Variants in MYT1L observed in about 807,000 individuals in gnomAD.
MYT1L encodes the protein myelin transcription factor 1-like protein.
Under a neutral mutation model 126.7 loss-of-function variants are expected in MYT1L, and 12 were observed. The ratio of observed to expected loss-of-function variants is 0.09; its 90% CI spans 0.06 to 0.15. The LOEUF is 0.15. Ranked by LOEUF, MYT1L falls within the 10% of genes least tolerant of loss-of-function variation. MYT1L has a pLI of 1.00. For synonymous variants in MYT1L, 541 were observed against 604.2 expected (o/e 0.90, Z 1.53); for missense variants, 979 against 1,585.2 (o/e 0.62, Z 6.49).
intron 14 of MYT1L, among the ~76,000 whole-genome samples, chr2:1,893,540 G>A (rs921829506): frequency 6.6e-6 from 1 of 152,150 alleles, no homozygotes; most frequent in African/African-American, 2.4e-5. Flanking sequence ...GTCCTAATCG[G>A]CAAAGCTCCA....
At chr2:2,283,872 G>A (rs1249406992) in intron 2 of MYT1L, among the ~76,000 whole-genome samples, 2 of 152,126 alleles carry the variant, frequency 1.3e-5, no homozygotes, top group Non-Finnish European at 2.9e-5. Flanking sequence ...CTACCTGTCC[G>A]ACCTCCCTCT....
chr2:1,863,258 T>A (rs1212397153), intron 18 of MYT1L, among the ~76,000 whole-genome samples: 1 of 152,176 alleles, frequency 6.6e-6, no homozygotes, highest in African/African-American at 2.4e-5. Flanking sequence ...TCCTGTGGCC[T>A]TTGGGACTAT....
At chr2:2,086,313 T>A (rs1056120421) in intron 3 of MYT1L, among the ~76,000 whole-genome samples, 6 of 152,202 alleles carry the variant, frequency 3.9e-5, no homozygotes, top group Non-Finnish European at 7.3e-5. Context: ...ATCTGCATAA[T>A]AAGGAATATG....
intron 2 of MYT1L, among the ~76,000 whole-genome samples, chr2:2,262,067 A>C (rs73913295): frequency 6.6e-6 from 1 of 152,132 alleles, no homozygotes; most frequent in African/African-American, 2.4e-5. Flanking sequence ...CCTTAACATA[A>C]CTTCAGGAGT....
At chr2:2,151,514 A>G (rs922856524) in intron 3 of MYT1L, among the ~76,000 whole-genome samples, 1 of 152,298 alleles carries the variant, frequency 6.6e-6, no homozygotes, top group East Asian at 1.9e-4. Context: ...AGCTGAGTCC[A>G]GCATTGAAAA....
At chr2:2,209,959 C>A (rs1339459299) in intron 2 of MYT1L, among the ~76,000 whole-genome samples, 1 of 152,136 alleles carries the variant, frequency 6.6e-6, no homozygotes, top group Non-Finnish European at 1.5e-5. Flanking sequence ...TTTGTTATTG[C>A]CTTCCTTTTG....
chr2:2,307,627 G>T (rs1055522628), intron 1 of MYT1L, among the ~76,000 whole-genome samples: 1 of 152,014 alleles, frequency 6.6e-6, no homozygotes, highest in African/African-American at 2.4e-5. Flanking sequence ...TATGACACTC[G>T]TGATCTCCAG....
intron 11 of MYT1L, among the ~76,000 whole-genome samples, chr2:1,915,014 T>A (rs1467832103): frequency 6.6e-6 from 1 of 151,914 alleles, no homozygotes; most frequent in Admixed American, 6.6e-5. Flanking sequence ...GTCCCCACCG[T>A]GCAGAGCCCC....
chr2:2,013,678 C>T (rs1015840120), intron 4 of MYT1L, among the ~76,000 whole-genome samples: 68 of 152,320 alleles, frequency 4.5e-4, no homozygotes, highest in African/African-American at 1.6e-3. Context: ...AGGCATGCTG[C>T]CACCAACTCC....
intron 1 of MYT1L, among the ~76,000 whole-genome samples, chr2:2,328,786 A>C (rs993659172): frequency 6.6e-6 from 1 of 152,238 alleles, no homozygotes; most frequent in African/African-American, 2.4e-5. Context: ...AGTAATTTTT[A>C]ACATATTGAT....
chr2:2,212,548 T>C (rs1582415), intron 2 of MYT1L, among the ~76,000 whole-genome samples: 26 of 152,256 alleles, frequency 1.7e-4, no homozygotes, highest in African/African-American at 6.0e-4. Context: ...TTCCCATAAA[T>C]GCTCTGCTGT....
intron 18 of MYT1L, among the ~76,000 whole-genome samples, chr2:1,862,630 G>C (rs1330855290): frequency 1.3e-5 from 2 of 152,188 alleles, no homozygotes; most frequent in East Asian, 1.9e-4. Context: ...CTAGACTTCT[G>C]TGTCAGGAAG....
chr2:1,817,340 C>T (rs751773813), intron 21 of MYT1L, among the ~76,000 whole-genome samples: 1 of 152,126 alleles, frequency 6.6e-6, no homozygotes, highest in Admixed American at 6.5e-5. Context: ...GCCACACGGC[C>T]GGAAACTGCA....
intron 3 of MYT1L, among the ~76,000 whole-genome samples, chr2:2,172,053 T>C (rs946250836): frequency 3.9e-5 from 6 of 152,192 alleles, no homozygotes; most frequent in African/African-American, 1.4e-4. Flanking sequence ...AATGTGAGTA[T>C]TGAGAAGATA....
chr2:1,845,510 C>T (rs559544134), intron 19 of MYT1L, among the ~76,000 whole-genome samples: 4 of 152,154 alleles, frequency 2.6e-5, no homozygotes, highest in African/African-American at 4.8e-5. Flanking sequence ...GCATCCCAGG[C>T]CCTCCCTCTT....
At chr2:1,796,977 C>T (rs912951747) in intron 23 of MYT1L, among the ~76,000 whole-genome samples, 1 of 152,172 alleles carries the variant, frequency 6.6e-6, no homozygotes, top group Non-Finnish European at 1.5e-5. Flanking sequence ...CTGGGTGTCC[C>T]CTGGGGCCGA....
intron 5 of MYT1L, among the ~76,000 whole-genome samples, chr2:1,988,671 T>C (rs1013407029): frequency 1.3e-5 from 2 of 152,222 alleles, no homozygotes; most frequent in East Asian, 1.9e-4. Context: ...GCTTACCGCA[T>C]TGGGTGGTGG....
At chr2:2,328,140 A>G (rs2096262818) in intron 1 of MYT1L, among the ~76,000 whole-genome samples, 1 of 152,180 alleles carries the variant, frequency 6.6e-6, no homozygotes, top group Non-Finnish European at 1.5e-5. Flanking sequence ...CAATTTTTTA[A>G]TTTTAAGTAT....
rs1294057805 is a variant in MYT1L, at chr2:1,789,344, A to G, written c.*2523T>C. 2.0e-5 allele frequency: 3 copies of G among 152,266 alleles called. No homozygotes were observed. Among genetic ancestry groups the G allele is most frequent in the South Asian group, 4.1e-4 (2 of 4,830 alleles). 9.4% of individuals were successfully genotyped at this position (152,266 alleles called of 1,614,324 possible). ...ACAGAGAGCACAATAAATAGTTTAT[A>G]CAAAATTCTGTCTTAATAAATGATT... On this transcript the variant is annotated 3_prime_UTR_variant, in exon 25 of 25. Transcript: ENST00000647738.
Sources: gnomAD v4.1 joint callset for allele counts (sites outside exome capture counted in the v4.1 genomes callset) on GRCh38, gnomAD v4.1.1 for gene constraint, MANE v1.5 for transcripts, NCBI Gene and HGNC (gene_info 2026-07-23, HGNC 2026-07-21) for gene names.